MECOM: variants seen among roughly 807,000 people sequenced by gnomAD.
MECOM encodes the protein MDS1 and EVI1 complex locus.
Under a neutral mutation model 116.3 loss-of-function variants are expected in MECOM, and 13 were observed. The ratio of observed to expected loss-of-function variants is 0.11; its 90% CI spans 0.07 to 0.18. The LOEUF is 0.18. Among genes scored for constraint, MECOM ranks in the 10% least tolerant of loss-of-function variants. The probability of loss-of-function intolerance (pLI) is 1.00; values close to 1 mark genes in which losing one functional copy is unlikely to be tolerated. For missense variants in MECOM, 1,299 were observed against 1,509.0 expected (o/e 0.86, Z 2.31); for synonymous variants, 528 against 535.2 (o/e 0.99, Z 0.19).
intron 2 of MECOM, among the ~76,000 whole-genome samples, chr3:169,310,581 G>A (rs750291051): frequency 3.3e-5 from 5 of 152,164 alleles, no homozygotes; most frequent in Non-Finnish European, 5.9e-5. Flanking sequence ...TGATTTTGGC[G>A]TGTGTATCTA....
chr3:169,548,820 C>T (rs1761030774), intron 1 of MECOM, among the ~76,000 whole-genome samples: 1 of 152,190 alleles, frequency 6.6e-6, no homozygotes, highest in Non-Finnish European at 1.5e-5. Flanking sequence ...TATAGGTTTA[C>T]ATATGTTAGG....
At chr3:169,417,451 G>A (rs1322919779) in intron 1 of MECOM, among the ~76,000 whole-genome samples, 4 of 152,172 alleles carry the variant, frequency 2.6e-5, no homozygotes, top group African/African-American at 7.2e-5. Flanking sequence ...TAAAAAATCA[G>A]GAAACAACAG....
chr3:169,577,001 G>A (rs1482662140), intron 1 of MECOM, among the ~76,000 whole-genome samples: 3 of 152,110 alleles, frequency 2.0e-5, no homozygotes, highest in Admixed American at 1.3e-4. Flanking sequence ...ACTTGCTAAC[G>A]CTACTTTAGA....
intron 1 of MECOM, among the ~76,000 whole-genome samples, chr3:169,395,592 T>C (rs1468937941): frequency 6.6e-6 from 1 of 151,662 alleles, no homozygotes; most frequent in Non-Finnish European, 1.5e-5. Flanking sequence ...CCTCTTCACA[T>C]TGCAACCTTT....
chr3:169,466,107 A>G (rs1266546804), intron 1 of MECOM, among the ~76,000 whole-genome samples: 2 of 152,216 alleles, frequency 1.3e-5, no homozygotes, highest in African/African-American at 4.8e-5. Context: ...GAATCAAGGT[A>G]TAAAACCAGA....
At chr3:169,100,016 T>C (rs1316236029) in intron 12 of MECOM, among the ~76,000 whole-genome samples, 3 of 151,976 alleles carry the variant, frequency 2.0e-5, no homozygotes, top group Non-Finnish European at 4.4e-5. Flanking sequence ...ATTTTATCTG[T>C]CCTACCTCTA....
At chr3:169,531,625 A>C (rs1193474136) in intron 1 of MECOM, among the ~76,000 whole-genome samples, 1 of 152,138 alleles carries the variant, frequency 6.6e-6, no homozygotes, top group Non-Finnish European at 1.5e-5. Flanking sequence ...GTGCGCTCCA[A>C]TATTCTACAT....
intron 9 of MECOM, among the ~76,000 whole-genome samples, chr3:169,109,307 A>G (rs1726514031): frequency 6.6e-6 from 1 of 152,226 alleles, no homozygotes; most frequent in Non-Finnish European, 1.5e-5. Flanking sequence ...AAGACTAAAT[A>G]GTTCTCACCT....
At chr3:169,293,088 A>T (rs548927833) in intron 2 of MECOM, among the ~76,000 whole-genome samples, 1 of 152,162 alleles carries the variant, frequency 6.6e-6, no homozygotes, top group Non-Finnish European at 1.5e-5. Context: ...GGTGGCTGAC[A>T]TTTGTCTTTT....
intron 2 of MECOM, among the ~76,000 whole-genome samples, chr3:169,159,488 G>A (rs1226974850): frequency 3.9e-5 from 6 of 152,110 alleles, no homozygotes; most frequent in African/African-American, 9.7e-5. Flanking sequence ...GAACCCGGGA[G>A]GCAGAAGTTG....
chr3:169,131,949 C>T (rs1316801313), intron 3 of MECOM: 1 of 994,466 alleles, frequency 1.0e-6, no homozygotes, highest in Non-Finnish European at 1.2e-6. Flanking sequence ...GTACCTTCCC[C>T]ACTTAAGCAA....
chr3:169,372,505 C>T (rs1730308270), intron 2 of MECOM, among the ~76,000 whole-genome samples: 1 of 151,970 alleles, frequency 6.6e-6, no homozygotes, highest in Admixed American at 6.6e-5. Flanking sequence ...AGTTAGAAAA[C>T]GGTCAGTGCT....
At chr3:169,483,230 C>T (rs1751639408) in intron 1 of MECOM, among the ~76,000 whole-genome samples, 2 of 143,442 alleles carry the variant, frequency 1.4e-5, no homozygotes, top group South Asian at 2.2e-4. Flanking sequence ...CCCAGAAACC[C>T]GCATTTTATT....
At chr3:169,188,751 T>C (rs1042827279) in intron 2 of MECOM, among the ~76,000 whole-genome samples, 2 of 152,128 alleles carry the variant, frequency 1.3e-5, no homozygotes, top group African/African-American at 4.8e-5. Flanking sequence ...TAATTCACAA[T>C]AGCATATAAT....
In MECOM at chr3:169,107,919, A is replaced by G; in HGVS notation, c.2604+7T>C. 1 of 1,611,378 alleles carries G rather than the reference A, an allele frequency of 6.2e-7. No individual in the cohort carries two copies. The stretch of plus-strand genomic sequence containing the variant: ...ACTTTAGTCAAAAATATAAGTAGGA[A>G]ACTTACCCAAGTTCTCTGATCAGGC... On this transcript the variant is annotated splice_region_variant and intron_variant, in intron 10 of 16. Transcript: ENST00000651503.
At chr3:169,310,263 A>G (rs960258927) in intron 2 of MECOM, among the ~76,000 whole-genome samples, 1 of 152,212 alleles carries the variant, frequency 6.6e-6, no homozygotes, top group East Asian at 1.9e-4. Context: ...TGCGCTGAGC[A>G]CCTATTATAT....
At chr3:169,582,040 T>C (rs911144719) in intron 1 of MECOM, among the ~76,000 whole-genome samples, 1 of 152,226 alleles carries the variant, frequency 6.6e-6, no homozygotes, top group Non-Finnish European at 1.5e-5. Flanking sequence ...TTCTATAAGT[T>C]TGGTAAATTA....
At chr3:169,324,157 A>T (rs908265970) in intron 2 of MECOM, among the ~76,000 whole-genome samples, 1 of 152,114 alleles carries the variant, frequency 6.6e-6, no homozygotes, top group Non-Finnish European at 1.5e-5. Flanking sequence ...AGGAACTAAC[A>T]TTCAGCGAAC....
chr3:169,383,332 T>C (rs1732788913), intron 1 of MECOM, among the ~76,000 whole-genome samples: 1 of 152,176 alleles, frequency 6.6e-6, no homozygotes, highest in Admixed American at 6.5e-5. Context: ...AAGCTCATTA[T>C]CATTCAAGTT....
Sources: gnomAD v4.1 joint callset for allele counts (sites outside exome capture counted in the v4.1 genomes callset) on GRCh38, gnomAD v4.1.1 for gene constraint, MANE v1.5 for transcripts, NCBI Gene and HGNC (gene_info 2026-07-23, HGNC 2026-07-21) for gene names.